The following SMYD3 variants were observed in gnomAD, a reference collection of about 807,000 sequenced individuals.
SMYD3 encodes the protein histone-lysine N-methyltransferase SMYD3.
A neutral mutation model predicts 57.7 loss-of-function variants in SMYD3; 36 were observed. The ratio of observed to expected loss-of-function variants is 0.62; its 90% confidence interval spans 0.48 to 0.82. The LOEUF is 0.82. SMYD3 is among the 40% of genes least tolerant of loss of function. The probability of loss-of-function intolerance (pLI) is 0.00; values close to 1 mark genes in which losing one functional copy is unlikely to be tolerated. For synonymous variants in SMYD3, 211 were observed against 195.0 expected (o/e 1.08, Z -0.68); for missense variants, 515 against 538.8 (o/e 0.96, Z 0.44).
At chr1:246,280,838 C>A (rs146614260) in intron 5 of SMYD3, among the ~76,000 whole-genome samples, 1 of 152,182 alleles carries the variant, frequency 6.6e-6, no homozygotes, top group Non-Finnish European at 1.5e-5. Context: ...TATAGTTCAA[C>A]CTATATTTGA....
chr1:246,002,457 T>G (rs111706894), intron 5 of SMYD3, among the ~76,000 whole-genome samples: 6 of 45,672 alleles, frequency 1.3e-4, no homozygotes, highest in African/African-American at 2.6e-4. Flanking sequence ...GTGCTGGGAT[T>G]ACAGGCGCCC....
intron 10 of SMYD3, among the ~76,000 whole-genome samples, chr1:245,838,670 C>T (rs1020828587): frequency 2.6e-5 from 4 of 152,296 alleles, no homozygotes; most frequent in Non-Finnish European, 4.4e-5. Flanking sequence ...AAGTGGAAGG[C>T]CCTACAGTTT....
intron 1 of SMYD3, among the ~76,000 whole-genome samples, chr1:246,407,886 T>C (rs1356016127): frequency 6.6e-6 from 1 of 151,228 alleles, no homozygotes; most frequent in Non-Finnish European, 1.5e-5. Context: ...ATATATTCAC[T>C]CTTGAGGAGG....
intron 1 of SMYD3, among the ~76,000 whole-genome samples, chr1:246,371,120 A>G (rs1261772019): frequency 6.6e-6 from 1 of 152,186 alleles, no homozygotes; most frequent in East Asian, 1.9e-4. Flanking sequence ...TAACAAGCTA[A>G]GGAGCAAATT....
intron 5 of SMYD3, among the ~76,000 whole-genome samples, chr1:245,954,758 A>T (rs773887754): frequency 1.3e-5 from 2 of 152,200 alleles, no homozygotes; most frequent in Non-Finnish European, 2.9e-5. Context: ...CCACTCTCAC[A>T]TTCAGCCCTT....
chr1:246,004,769 A>T (rs1340508439), intron 5 of SMYD3, among the ~76,000 whole-genome samples: 1 of 152,234 alleles, frequency 6.6e-6, no homozygotes. Context: ...GAGGCAGGGC[A>T]ACCCAGAAAA....
At chr1:245,894,805 T>G (rs1387435049) in intron 8 of SMYD3, among the ~76,000 whole-genome samples, 1 of 152,178 alleles carries the variant, frequency 6.6e-6, no homozygotes. Flanking sequence ...TCCTCTGAGC[T>G]GGAGGCTTAT....
At position 246,481,593 on chromosome 1, in the gene SMYD3, C is replaced by CATATATATAT. The variant is rs1200097586; in HGVS notation, c.164+25451_164+25460dup. 5.6e-3 allele frequency among the ~76,000 whole-genome samples: 156 copies of CATATATATAT among 27,822 alleles called. 6 individuals are homozygous for CATATATATAT. The highest frequency in any genetic ancestry group is 0.015 in the African/African-American group (138 of 9,384). The allele number at this position is 27,822 out of a possible 152,430, so 18.3% of individuals were successfully genotyped here. On this transcript the variant is annotated intron_variant, in intron 1 of 11. Transcript: ENST00000490107. ...ACGGATCATGGGACTTCTCAGGCTC[C>CATATATATAT]ATATATATATATATACACATACATA...
At chr1:245,864,782 A>G (rs1244850069) in intron 8 of SMYD3, among the ~76,000 whole-genome samples, 1 of 152,188 alleles carries the variant, frequency 6.6e-6, no homozygotes, top group African/African-American at 2.4e-5. Flanking sequence ...CACCTCAATA[A>G]TGCTGATATT....
intron 5 of SMYD3, among the ~76,000 whole-genome samples, chr1:246,140,505 A>T (rs1302549975): frequency 6.6e-6 from 1 of 152,228 alleles, no homozygotes; most frequent in Admixed American, 6.5e-5. Context: ...AGTGTCCACC[A>T]TCTTCATTGA....
chr1:246,054,904 G>A (rs193141079), intron 5 of SMYD3, among the ~76,000 whole-genome samples: 7 of 143,696 alleles, frequency 4.9e-5, no homozygotes, highest in Admixed American at 1.5e-4. Context: ...GGCCAGGTGC[G>A]GCGGCTCACG....
intron 7 of SMYD3, among the ~76,000 whole-genome samples, chr1:245,919,607 T>TG (rs1193299383): frequency 2.6e-5 from 4 of 152,226 alleles, no homozygotes; most frequent in African/African-American, 9.6e-5. Flanking sequence ...TTCATATTTT[T>TG]GGGAAAAAAC....
intron 1 of SMYD3, among the ~76,000 whole-genome samples, chr1:246,430,197 C>T (rs1278019456): frequency 6.6e-6 from 1 of 151,958 alleles, no homozygotes; most frequent in Non-Finnish European, 1.5e-5. Context: ...AATAATCATA[C>T]AAGAAACGGA....
intron 5 of SMYD3, among the ~76,000 whole-genome samples, chr1:246,292,414 A>G (rs904321612): frequency 6.6e-6 from 1 of 152,016 alleles, no homozygotes; most frequent in Non-Finnish European, 1.5e-5. Context: ...TAGACTTACT[A>G]TCCAACACAC....
chr1:246,259,239 T>C (rs1179938177), intron 5 of SMYD3, among the ~76,000 whole-genome samples: 1 of 152,232 alleles, frequency 6.6e-6, no homozygotes, highest in African/African-American at 2.4e-5. Context: ...GAACCATTTC[T>C]GGAAAGCTTG....
chr1:246,189,386 G>GT (rs2062696973), intron 5 of SMYD3, among the ~76,000 whole-genome samples: 1 of 152,212 alleles, frequency 6.6e-6, no homozygotes, highest in African/African-American at 2.4e-5. Context: ...GCAAGTGTCG[G>GT]TAACAGTTAT....
rs568699768 is a variant in SMYD3 at position 246,167,801 on chromosome 1, A to C, written c.531+159400T>G. The stretch of plus-strand genomic sequence containing the variant: ...GCTGGGATTACAGGCGTGAGCCACC[A>C]CGCCCAGCCTCATTGTGGTTTTGAT... On this transcript the variant is annotated intron_variant, in intron 5 of 11. Coordinates refer to ENST00000490107, the MANE Select transcript of SMYD3 (RefSeq NM_001167740.2). 1.6e-3 allele frequency among the ~76,000 whole-genome samples: 247 copies of C among 152,140 alleles called. 1 individual carries two copies. Among genetic ancestry groups the C allele is most frequent in the African/African-American group, 5.5e-3 (229 of 41,508 alleles).
In SMYD3 at chr1:245,774,030, C is replaced by T. The variant is rs1319495801; in HGVS notation, c.1077-9881G>A. ...AATGCAGCAGGCATGGTAGCTATAC[C>T]GATTCAATGGGAGCATACTGAAAAC... On this transcript the variant is annotated intron_variant, in intron 10 of 11. Transcript: ENST00000490107. 2.0e-5 allele frequency among the ~76,000 whole-genome samples: 3 copies of T among 151,986 alleles called. No individual in the cohort carries two copies. In the East Asian group the frequency reaches 5.8e-4, roughly 29 times the overall value.
intron 5 of SMYD3, among the ~76,000 whole-genome samples, chr1:245,959,314 T>C (rs1001508584): frequency 1.3e-5 from 2 of 152,194 alleles, no homozygotes; most frequent in Non-Finnish European, 2.9e-5. Context: ...AAGACATCCA[T>C]GCTTGCTCTG....
Sources: gnomAD v4.1 joint callset for allele counts (sites outside exome capture counted in the v4.1 genomes callset) on GRCh38, gnomAD v4.1.1 for gene constraint, MANE v1.5 for transcripts, NCBI Gene and HGNC (gene_info 2026-07-23, HGNC 2026-07-21) for gene names.